The following MYBPC1 variants were observed in gnomAD, a reference collection of about 807,000 sequenced individuals.
MYBPC1 encodes myosin-binding protein C, slow-type.
Under a neutral mutation model 147.1 loss-of-function variants are expected in MYBPC1, and 52 were observed. The ratio of observed to expected loss-of-function variants is 0.35; its 90% CI spans 0.28 to 0.45. The LOEUF is 0.45. Among genes scored for constraint, MYBPC1 ranks in the 20% least tolerant of loss-of-function variants. MYBPC1 has a pLI of 1.00. For missense variants in MYBPC1, 1,228 were observed against 1,440.3 expected, an observed-to-expected ratio of 0.85 and a Z score of 2.39; for synonymous variants, 477 against 475.9, an observed-to-expected ratio of 1.00 and a Z score of -0.03.
Position 101,601,867 on chromosome 12 carries a change from A to G in MYBPC1, c.25+6772A>G, listed in dbSNP as rs556912196. Reference sequence around the variant, plus strand: ...GTTTGCCTTCTAAAAATTTTAATGAATCTTGGAACAGAATGCTCTACTTAA... The same window carrying G: ...GTTTGCCTTCTAAAAATTTTAATGAGTCTTGGAACAGAATGCTCTACTTAA... On this transcript the variant is annotated intron_variant, in intron 1 of 31. Coordinates refer to ENST00000361466, the MANE Select transcript of MYBPC1 (RefSeq NM_002465.4). Among the ~76,000 whole-genome samples the G allele has an allele frequency of 9.9e-5, 15 of 152,194 alleles. 1 individual carries two copies. In the South Asian group the frequency reaches 3.1e-3, roughly 32 times the overall value.
chr12:101,617,733 A>G (rs946688609), intron 3 of MYBPC1, among the ~76,000 whole-genome samples: 10 of 152,232 alleles, frequency 6.6e-5, no homozygotes, highest in Non-Finnish European at 1.3e-4. Context: ...CAGATACACA[A>G]TATAACATTA....
chr12:101,659,035 A>T (rs1896069336), intron 18 of MYBPC1, among the ~76,000 whole-genome samples: 2 of 151,862 alleles, frequency 1.3e-5, no homozygotes, highest in Non-Finnish European at 2.9e-5. Context: ...GAAGAAAAAA[A>T]GTGAAAAAAA....
At chr12:101,627,406 C>T (rs1258720475) in intron 4 of MYBPC1, among the ~76,000 whole-genome samples, 2 of 151,912 alleles carry the variant, frequency 1.3e-5, no homozygotes, top group Non-Finnish European at 2.9e-5. Flanking sequence ...CCAAGCTGGG[C>T]TAATTTTTGT....
At chr12:101,688,787 C>T (rs1256966860), downstream of MYBPC1, among the ~76,000 whole-genome samples, 1 of 150,990 alleles carries the variant, frequency 6.6e-6, no homozygotes, top group East Asian at 1.9e-4. Context: ...ATAACAAAAC[C>T]CCATCTCTAC....
At chr12:101,670,232 G>A (rs1050292801) in intron 23 of MYBPC1, 89 bp from the exon 24 acceptor site, 9 of 981,438 alleles carry the variant, frequency 9.2e-6, no homozygotes, top group African/African-American at 8.0e-5. Context: ...ACAAGGGTAC[G>A]CTGGTGAGCA....
At chr12:101,665,527 T>C (rs997671546) in intron 22 of MYBPC1, among the ~76,000 whole-genome samples, 2 of 152,208 alleles carry the variant, frequency 1.3e-5, no homozygotes, top group Admixed American at 1.3e-4. Flanking sequence ...ATTTTACTCT[T>C]CTTTGTTTTC....
chr12:101,682,772 C>T, intron 30 of MYBPC1, 110 bp downstream of exon 30: 2 of 1,036,778 alleles, frequency 1.9e-6, no homozygotes, highest in Non-Finnish European at 2.9e-6. Flanking sequence ...TTTAATTGTA[C>T]CCCTTAGCAG....
intron 1 of MYBPC1, among the ~76,000 whole-genome samples, chr12:101,609,254 C>A (rs1411203438): frequency 6.6e-6 from 1 of 151,806 alleles, no homozygotes; most frequent in African/African-American, 2.4e-5. Flanking sequence ...CACCTGGGAG[C>A]CTTGTAAAAA....
intron 24 of MYBPC1, among the ~76,000 whole-genome samples, chr12:101,671,343 A>ACACG (rs1055823131): frequency 6.6e-6 from 1 of 151,980 alleles, no homozygotes; most frequent in Non-Finnish European, 1.5e-5. Flanking sequence ...ACACACTCAC[A>ACACG]CACACACACT....
chr12:101,667,761 C>G lies in MYBPC1; in HGVS notation c.2386C>G (p.Leu796Val). 1 of 1,614,100 alleles carries G rather than the reference C, an allele frequency of 6.2e-7. No individual in the cohort carries two copies. The highest frequency in any genetic ancestry group is 8.5e-7 in the Non-Finnish European group (1 of 1,180,038). Residue 796 changes from leucine (L) to valine (V), a missense_variant, in exon 23 of 32, where the codon CTG (leucine) becomes GTG (valine). Around this residue, in one of 2 missense-constraint regions of MYBPC1, gnomAD observed 1,077 missense variants for 1,314.2 expected, o/e 0.82. Transcript: ENST00000361466. Reference protein sequence around the residue: ...TEDWIVANKDLIDKTKFTITG... With the variant: ...TEDWIVANKDVIDKTKFTITG... ...GGACTGGATAGTTGCAAACAAAGAT[C>G]TGATTGACAAGACGAAGTTCACCAT...
At chr12:101,694,280 C>T in the MYBPC1 span, among the ~76,000 whole-genome samples, 25 of 152,314 alleles carry the variant, frequency 1.6e-4, no homozygotes, top group Non-Finnish European at 3.4e-4. Flanking sequence ...TCCTTTTCTT[C>T]ATAGCTTTGC....
chr12:101,622,713 C>T lies in MYBPC1; in HGVS notation c.104-4159C>T, dbSNP rs368451055. Among the ~76,000 whole-genome samples, 57 of 151,584 alleles carry T rather than the reference C, an allele frequency of 3.8e-4. 1 individual carries two copies. The highest frequency in any genetic ancestry group is 1.2e-3 in the East Asian group (6 of 5,136). ...TGGTGCCACTGCACTCCAGCCTGGG[C>T]GACAGAGTGAGACTCTGTCTAAAAA... On this transcript the variant is annotated intron_variant, in intron 3 of 31. Transcript: ENST00000361466.
At chr12:101,675,105 T>A (rs1279847694) in intron 25 of MYBPC1, among the ~76,000 whole-genome samples, 187 bp from the exon 26 acceptor site, 2 of 152,106 alleles carry the variant, frequency 1.3e-5, no homozygotes, top group Non-Finnish European at 2.9e-5. Flanking sequence ...GGCTGCTCTG[T>A]GCCCTTTGAT....
intron 1 of MYBPC1, among the ~76,000 whole-genome samples, chr12:101,606,379 C>G (rs1882174654): frequency 6.6e-6 from 1 of 152,004 alleles, no homozygotes; most frequent in African/African-American, 2.4e-5. Flanking sequence ...TTAGGAAAAT[C>G]ATTTTGACCT....
intron 3 of MYBPC1, among the ~76,000 whole-genome samples, chr12:101,624,170 G>C (rs1043431732): frequency 1.3e-5 from 2 of 151,868 alleles, no homozygotes; most frequent in African/African-American, 4.8e-5. Context: ...TTCCTGTTAA[G>C]AATCTCAAAT....
chr12:101,613,960 C>T (rs1013282330), intron 1 of MYBPC1, among the ~76,000 whole-genome samples: 4 of 152,140 alleles, frequency 2.6e-5, no homozygotes, highest in African/African-American at 9.7e-5. Flanking sequence ...ACAATGTTGG[C>T]GATGCAGTGG....
chr12:101,623,009 T>C (rs1193531934), intron 3 of MYBPC1, among the ~76,000 whole-genome samples: 1 of 152,158 alleles, frequency 6.6e-6, no homozygotes, highest in Non-Finnish European at 1.5e-5. Context: ...TAGTAGACTT[T>C]GAAACTACTC....
At chr12:101,634,416 C>A in intron 8 of MYBPC1, 138 bp from the exon 9 acceptor site, 1 of 711,256 alleles carries the variant, frequency 1.4e-6, no homozygotes, top group South Asian at 1.6e-5. Context: ...GCCTTGGCAG[C>A]ACAGCCATTC....
chr12:101,659,843 A>T lies in MYBPC1; in HGVS notation c.1927+12A>T, dbSNP rs1169857117. ...GGTTAAAGTTGTGGGTAAGTCCTCC[A>T]GGTAAACGCACTTCTAGAATCAAGC... On this transcript the variant is annotated intron_variant, in intron 19 of 31. Coordinates refer to ENST00000361466, the MANE Select transcript of MYBPC1 (RefSeq NM_002465.4). The T allele has an allele frequency of 1.2e-5, 19 of 1,613,870 alleles. No individual in the cohort carries two copies. Among genetic ancestry groups the T allele is most frequent in the Non-Finnish European group, 1.5e-5 (18 of 1,179,894 alleles).
Sources: allele counts gnomAD v4.1 joint callset (sites outside exome capture counted in the v4.1 genomes callset), GRCh38; gene constraint gnomAD v4.1.1; regional missense constraint gnomAD v4.1.1; transcripts MANE v1.5; gene names NCBI Gene and HGNC (gene_info 2026-07-23, HGNC 2026-07-21).